Variants in MTUS2 observed in about 807,000 individuals in gnomAD.
The protein encoded by MTUS2 is microtubule-associated tumor suppressor candidate 2.
Under a neutral mutation model 114.1 loss-of-function variants are expected in MTUS2, and 40 were observed. That is an observed-to-expected ratio of 0.35 (90% confidence interval 0.27 to 0.46). MTUS2 has a LOEUF of 0.46. Ranked by LOEUF, MTUS2 falls within the 20% of genes least tolerant of loss-of-function variation. The pLI is 1.00. For synonymous variants in MTUS2, 688 were observed against 672.0 expected, an observed-to-expected ratio of 1.02 and a Z score of -0.37; for missense variants, 1,679 against 1,705.4, an observed-to-expected ratio of 0.98 and a Z score of 0.27.
At chr13:28,911,349 G>C (rs1015631983) in intron 2 of MTUS2, among the ~76,000 whole-genome samples, 2 of 150,068 alleles carry the variant, frequency 1.3e-5, no homozygotes, top group South Asian at 4.2e-4. Context: ...CTAATTTTTT[G>C]TATTTTAGTA....
At chr13:29,283,625 C>A (rs577876943) in intron 6 of MTUS2, among the ~76,000 whole-genome samples, 166 of 152,218 alleles carry the variant, frequency 1.1e-3, no homozygotes, top group African/African-American at 3.9e-3. Context: ...CATTACTGGA[C>A]GCTATCCCCA....
chr13:29,006,907 T>A (rs1055162087), intron 2 of MTUS2, among the ~76,000 whole-genome samples: 9 of 152,198 alleles, frequency 5.9e-5, no homozygotes, highest in African/African-American at 2.2e-4. Context: ...GGTGGGGATG[T>A]GGTCTCATCT....
At chr13:29,300,518 T>C (rs945455459) in intron 6 of MTUS2, among the ~76,000 whole-genome samples, 2 of 152,218 alleles carry the variant, frequency 1.3e-5, no homozygotes, top group Non-Finnish European at 2.9e-5. Flanking sequence ...TGCATTCTTA[T>C]GCAAATTGCT....
At chr13:29,451,045 A>T (rs1289701949) in intron 9 of MTUS2, among the ~76,000 whole-genome samples, 1 of 152,178 alleles carries the variant, frequency 6.6e-6, no homozygotes, top group Non-Finnish European at 1.5e-5. Flanking sequence ...GCAGGCAGAA[A>T]ATCAGTCAGC....
intron 5 of MTUS2, among the ~76,000 whole-genome samples, chr13:29,251,333 T>C (rs1897118458): frequency 6.8e-6 from 1 of 147,540 alleles, no homozygotes; most frequent in Non-Finnish European, 1.5e-5. Flanking sequence ...GCCTACCATC[T>C]GGCATGGGCA....
chr13:29,483,745 A>G (rs1881380496), intron 10 of MTUS2, among the ~76,000 whole-genome samples: 1 of 152,218 alleles, frequency 6.6e-6, no homozygotes, highest in Non-Finnish European at 1.5e-5. Context: ...GTGCAATTAT[A>G]AAGGTGTTTA....
At chr13:29,460,504 C>G (rs1879406234) in intron 9 of MTUS2, among the ~76,000 whole-genome samples, 1 of 152,274 alleles carries the variant, frequency 6.6e-6, no homozygotes, top group East Asian at 1.9e-4. Flanking sequence ...GTTTACTTTC[C>G]TTCACTTTTT....
intron 6 of MTUS2, among the ~76,000 whole-genome samples, chr13:29,284,728 G>A (rs1164233374): frequency 6.6e-6 from 1 of 152,170 alleles, no homozygotes; most frequent in Non-Finnish European, 1.5e-5. Flanking sequence ...TTCTGTATCT[G>A]CTGTTATTCT....
At chr13:29,039,201 G>A (rs1169216063) in intron 4 of MTUS2, among the ~76,000 whole-genome samples, 4 of 152,220 alleles carry the variant, frequency 2.6e-5, no homozygotes, top group Non-Finnish European at 4.4e-5. Context: ...TTCTGGGCTC[G>A]GGGCAGCACC....
chr13:28,957,624 G>T (rs918266859), intron 2 of MTUS2, among the ~76,000 whole-genome samples: 5 of 152,206 alleles, frequency 3.3e-5, no homozygotes, highest in Admixed American at 3.3e-4. Context: ...GCTCAGGTTA[G>T]ATGCAAATAC....
At chr13:29,017,946 A>G (rs1018137831) in intron 2 of MTUS2, among the ~76,000 whole-genome samples, 4 of 152,236 alleles carry the variant, frequency 2.6e-5, no homozygotes, top group African/African-American at 9.6e-5. Flanking sequence ...ACACTTAACT[A>G]TTTTAGATGT....
At chr13:29,240,566 GAC>G (rs67848826) in intron 5 of MTUS2, among the ~76,000 whole-genome samples, 25,036 of 152,058 alleles carry the variant, frequency 0.16, 2,316 homozygotes, top group East Asian at 0.4. Flanking sequence ...TTGTAATACC[GAC>G]ACATTACTTT....
At chr13:29,011,223 C>T (rs1039036908) in intron 2 of MTUS2, among the ~76,000 whole-genome samples, 1 of 152,000 alleles carries the variant, frequency 6.6e-6, no homozygotes, top group African/African-American at 2.4e-5. Context: ...TTAAAACATG[C>T]CCATGAAAAT....
At chr13:29,029,636 C>A (rs1194557305) in intron 3 of MTUS2, among the ~76,000 whole-genome samples, 1 of 152,158 alleles carries the variant, frequency 6.6e-6, no homozygotes, top group Non-Finnish European at 1.5e-5. Flanking sequence ...TTATTTGGCT[C>A]ATGGTTCTGC....
At chr13:29,158,211 A>G (rs1369646705) in intron 5 of MTUS2, among the ~76,000 whole-genome samples, 1 of 152,102 alleles carries the variant, frequency 6.6e-6, no homozygotes, top group African/African-American at 2.4e-5. Flanking sequence ...GAATGCCCTA[A>G]GAATAGATGA....
chr13:29,253,830 A>G (rs1897208397), intron 5 of MTUS2, among the ~76,000 whole-genome samples: 1 of 151,660 alleles, frequency 6.6e-6, no homozygotes, highest in East Asian at 1.9e-4. Context: ...GCAGCAGGCA[A>G]AGAGAGAGAG....
chr13:29,426,167 G>A (rs983838556), intron 8 of MTUS2, among the ~76,000 whole-genome samples: 7 of 152,166 alleles, frequency 4.6e-5, no homozygotes, highest in Non-Finnish European at 8.8e-5. Flanking sequence ...GTTTGCCTCC[G>A]GATAAATGCA....
At chr13:29,281,389 G>A (rs899956335) in intron 5 of MTUS2, among the ~76,000 whole-genome samples, 1 of 149,942 alleles carries the variant, frequency 6.7e-6, no homozygotes, top group African/African-American at 2.5e-5. Context: ...TAAGCGAACT[G>A]TGTGTGTGTG....
intron 5 of MTUS2, among the ~76,000 whole-genome samples, chr13:29,207,161 G>C (rs895245351): frequency 6.6e-6 from 1 of 151,536 alleles, no homozygotes; most frequent in Non-Finnish European, 1.5e-5. Flanking sequence ...AGTGTTTTTT[G>C]TTTGTTTGTT....
Sources: allele counts gnomAD v4.1 joint callset (sites outside exome capture counted in the v4.1 genomes callset), GRCh38; gene constraint gnomAD v4.1.1; transcripts MANE v1.5; gene names NCBI Gene and HGNC (gene_info 2026-07-23, HGNC 2026-07-21).